Variants in LARS2 observed in about 807,000 individuals in gnomAD.
The protein encoded by LARS2 is leucyl-tRNA synthetase 2, mitochondrial.
Under a neutral mutation model 116.6 loss-of-function variants are expected in LARS2, and 81 were observed. The ratio of observed to expected loss-of-function variants is 0.69; its 90% CI spans 0.58 to 0.84. The LOEUF (loss-of-function observed/expected upper bound fraction) is 0.84. Among genes scored for constraint, LARS2 ranks in the 40% least tolerant of loss-of-function variants. LARS2 has a pLI of 0.00. For synonymous variants in LARS2, 396 were observed against 407.2 expected (o/e 0.97, Z 0.33); for missense variants, 968 against 1,114.5 (o/e 0.87, Z 1.87).
intron 4 of LARS2, among the ~76,000 whole-genome samples, chr3:45,414,841 CAG>C (rs1445600617): frequency 2.6e-5 from 4 of 152,112 alleles, no homozygotes; most frequent in Non-Finnish European, 4.4e-5. Context: ...ACAGAAATAT[CAG>C]AGTCTTCTTG....
intron 15 of LARS2, among the ~76,000 whole-genome samples, chr3:45,511,771 ATTTTTTTTTTT>A (rs67171643): frequency 2.3e-5 from 2 of 86,620 alleles, no homozygotes; most frequent in Non-Finnish European, 4.3e-5. Flanking sequence ...AATGCTGCTG[ATTTTTTTTTTT>A]TTTTTTTTTT....
intron 8 of LARS2, among the ~76,000 whole-genome samples, chr3:45,470,114 T>TA (rs1291001634): frequency 6.6e-6 from 1 of 152,206 alleles, no homozygotes; most frequent in African/African-American, 2.4e-5. Flanking sequence ...CACTTTTTTT[T>TA]ACCTGGGTCT....
chr3:45,541,798 G>A (rs989775947), intron 20 of LARS2, 31 bp from the exon 21 acceptor site: 1 of 1,612,580 alleles, frequency 6.2e-7, no homozygotes, highest in Non-Finnish European at 8.5e-7. Flanking sequence ...TTCTTAGAGT[G>A]ACCCCACGCT....
At chr3:45,427,883 A>G (rs1165156838) in intron 6 of LARS2, among the ~76,000 whole-genome samples, 1 of 147,732 alleles carries the variant, frequency 6.8e-6, no homozygotes, top group Non-Finnish European at 1.5e-5. Flanking sequence ...GTACAATGGC[A>G]CGATCTTGGC....
intron 4 of LARS2, 110 bp from the exon 5 acceptor site, chr3:45,417,372 C>CAAAAA: frequency 1.2e-6 from 1 of 812,874 alleles, no homozygotes; most frequent in Non-Finnish European, 2.1e-6. Context: ...AAACATCCAG[C>CAAAAA]AAAAGATAAG....
At chr3:45,539,665 T>G (rs533502485) in intron 20 of LARS2, among the ~76,000 whole-genome samples, 1 of 152,224 alleles carries the variant, frequency 6.6e-6, no homozygotes, top group African/African-American at 2.4e-5. Context: ...CCCATACTTC[T>G]ACTCCCCAGA....
At chr3:45,473,179 A>C (rs1387480528) in intron 8 of LARS2, among the ~76,000 whole-genome samples, 1 of 152,212 alleles carries the variant, frequency 6.6e-6, no homozygotes, top group African/African-American at 2.4e-5. Flanking sequence ...CTGTGGGATT[A>C]AGAGTTGCAG....
chr3:45,513,399 C>T (rs1327819058), intron 16 of LARS2, among the ~76,000 whole-genome samples, 164 bp downstream of exon 16: 2 of 152,020 alleles, frequency 1.3e-5, no homozygotes, highest in Admixed American at 6.5e-5. Flanking sequence ...GGGCCTGCGC[C>T]CCCTGAAGCC....
chr3:45,482,351 ATT>A (rs1465106453), intron 10 of LARS2, among the ~76,000 whole-genome samples: 1 of 152,092 alleles, frequency 6.6e-6, no homozygotes, highest in Non-Finnish European at 1.5e-5. Flanking sequence ...GCTTCATAGA[ATT>A]TTCCTTAGGA....
rs563619280 is a variant in LARS2, at chr3:45,543,474, T to A, written c.2532+1518T>A. Among the ~76,000 whole-genome samples, 945 of 150,270 alleles carry A rather than the reference T, an allele frequency of 6.3e-3. 4 individuals are homozygous for A. The highest frequency in any genetic ancestry group is 0.015 in the African/African-American group (610 of 40,740). On this transcript the variant is annotated intron_variant, in intron 21 of 21. Coordinates refer to ENST00000645846, the MANE Select transcript of LARS2 (RefSeq NM_015340.4). ...AATTTTTTTTTTTTATTTTTTTATT[T>A]TTTTTTTTGGTGAGACAGAGTCTCT... is the stretch of plus-strand genomic sequence containing the variant.
At chr3:45,445,735 A>T (rs567887238) in intron 6 of LARS2, among the ~76,000 whole-genome samples, 26 of 152,338 alleles carry the variant, frequency 1.7e-4, no homozygotes, top group African/African-American at 5.1e-4. Flanking sequence ...TTTATAAAAC[A>T]GCACAAAAAA....
intron 7 of LARS2, among the ~76,000 whole-genome samples, chr3:45,454,179 G>A: frequency 6.6e-6 from 1 of 152,126 alleles, no homozygotes; most frequent in Non-Finnish European, 1.5e-5. Flanking sequence ...AAAATTAGGA[G>A]AATACTGCCC....
intron 8 of LARS2, among the ~76,000 whole-genome samples, chr3:45,463,781 A>C (rs376890714): frequency 6.6e-6 from 1 of 152,082 alleles, no homozygotes; most frequent in African/African-American, 2.4e-5. Flanking sequence ...CTTAGACTTT[A>C]GTGCCACAGA....
At chr3:45,545,640 A>G (rs1373982553) in intron 21 of LARS2, among the ~76,000 whole-genome samples, 1 of 152,212 alleles carries the variant, frequency 6.6e-6, no homozygotes, top group Non-Finnish European at 1.5e-5. Context: ...GGAAAGACTC[A>G]GAGCACGATG....
chr3:45,428,891 ATTAT>A (rs1010182300), intron 6 of LARS2, among the ~76,000 whole-genome samples: 2 of 151,906 alleles, frequency 1.3e-5, no homozygotes, highest in African/African-American at 4.8e-5. Context: ...CTCCCCCTGA[ATTAT>A]TTGAGTATGT....
chr3:45,413,501 G>A (rs1458041053), intron 4 of LARS2, among the ~76,000 whole-genome samples: 2 of 152,216 alleles, frequency 1.3e-5, no homozygotes, highest in Admixed American at 1.3e-4. Flanking sequence ...TTGAGACTCA[G>A]AATTAGTAAG....
intron 15 of LARS2, among the ~76,000 whole-genome samples, chr3:45,502,781 G>T (rs1029622750): frequency 1.3e-5 from 2 of 151,904 alleles, no homozygotes; most frequent in African/African-American, 4.8e-5. Context: ...CCCATTCTTT[G>T]AGTTTTTTTA....
intron 4 of LARS2, among the ~76,000 whole-genome samples, chr3:45,404,883 G>A (rs375011871): frequency 3.3e-5 from 5 of 152,044 alleles, no homozygotes; most frequent in Admixed American, 2.0e-4. Flanking sequence ...CACTGTGTCC[G>A]GCCAGTCCTT....
chr3:45,450,468 C>T lies in LARS2; in HGVS notation c.606+3488C>T, dbSNP rs75735938. Reference sequence around the variant, plus strand: ...TCCATGAGATCCACTTTTTTAAGCTCTCACATATGAGTGAGAACATTTGGT... The same window carrying T: ...TCCATGAGATCCACTTTTTTAAGCTTTCACATATGAGTGAGAACATTTGGT... On this transcript the variant is annotated intron_variant, in intron 7 of 21. Coordinates refer to ENST00000645846, the MANE Select transcript of LARS2 (RefSeq NM_015340.4). 1.8e-4 allele frequency among the ~76,000 whole-genome samples: 28 copies of T among 152,326 alleles called. No homozygotes were observed. The East Asian group carries it at 4.4e-3, about 24-fold the overall frequency.
Sources: gnomAD v4.1 joint callset for allele counts (sites outside exome capture counted in the v4.1 genomes callset) on GRCh38, gnomAD v4.1.1 for gene constraint, MANE v1.5 for transcripts, NCBI Gene and HGNC (gene_info 2026-07-23, HGNC 2026-07-21) for gene names.